The following AGPAT3 variants were observed in gnomAD, a reference collection of about 807,000 sequenced individuals.
AGPAT3 encodes 1-acylglycerol-3-phosphate O-acyltransferase 3, also known as 1-acyl-sn-glycerol-3-phosphate acyltransferase gamma.
A neutral mutation model predicts 47.3 loss-of-function variants in AGPAT3; 5 were observed. The ratio of observed to expected loss-of-function variants is 0.11; its 90% CI spans 0.06 to 0.22. The LOEUF (loss-of-function observed/expected upper bound fraction) is 0.22, where lower values mean the gene tolerates loss of function less well. AGPAT3 is among the 10% of genes least tolerant of loss of function. AGPAT3 has a pLI of 1.00. For synonymous variants in AGPAT3, 212 were observed against 208.3 expected, an observed-to-expected ratio of 1.02 and a Z score of -0.15; for missense variants, 315 against 493.0, an observed-to-expected ratio of 0.64 and a Z score of 3.42.
chr21:43,959,526 T>G, intron 2 of AGPAT3, 108 bp from the exon 3 acceptor site: 7 of 949,674 alleles, frequency 7.4e-6, no homozygotes, highest in Non-Finnish European at 1.1e-5. Flanking sequence ...GCAGCATGTG[T>G]GTATAAGCGT....
At chr21:43,879,214 G>A (rs991883691) in intron 1 of AGPAT3, among the ~76,000 whole-genome samples, 3 of 152,018 alleles carry the variant, frequency 2.0e-5, no homozygotes, top group Non-Finnish European at 2.9e-5. Context: ...GCTGGGTGTG[G>A]CAGTGCGTGC....
chr21:43,918,292 T>C (rs2086803297), intron 2 of AGPAT3, among the ~76,000 whole-genome samples: 1 of 144,710 alleles, frequency 6.9e-6, no homozygotes, highest in Admixed American at 7.1e-5. Flanking sequence ...ATAACAGCAC[T>C]TTGGGTGTGG....
At chr21:43,947,608 G>C (rs1378289776) in intron 2 of AGPAT3, among the ~76,000 whole-genome samples, 2 of 152,172 alleles carry the variant, frequency 1.3e-5, no homozygotes. Context: ...TTTCAGGAGT[G>C]ACGTTGTTCT....
Position 43,985,415 on chromosome 21 carries a change from A to G in AGPAT3, c.*3023A>G, listed in dbSNP as rs1298234985. ...TCTTGTGTAAAAAAAAAAAAAAAGC[A>G]CGTCCTGTCGATGAATTTTGAGTCT... On this transcript the variant is annotated 3_prime_UTR_variant, in exon 10 of 10. Transcript: ENST00000291572. The G allele has an allele frequency of 3.1e-6, 1 of 322,464 alleles. No individual in the cohort carries two copies. Among genetic ancestry groups the G allele is most frequent in the Non-Finnish European group, 6.0e-6 (1 of 165,414 alleles). The allele number at this position is 322,464 out of a possible 1,614,324, so 20.0% of individuals were successfully genotyped here.
intron 1 of AGPAT3, among the ~76,000 whole-genome samples, chr21:43,896,943 G>GTTTTTTTTTTTTTT (rs61657564): frequency 2.0e-3 from 85 of 42,348 alleles, no homozygotes; most frequent in Non-Finnish European, 2.4e-3. Flanking sequence ...TTGACAGTCC[G>GTTTTTTTTTTTTTT]TTTTTTTTTT....
chr21:43,893,538 G>T (rs1165416464), intron 1 of AGPAT3, among the ~76,000 whole-genome samples: 1 of 152,226 alleles, frequency 6.6e-6, no homozygotes, highest in Non-Finnish European at 1.5e-5. Flanking sequence ...GGCCCAAGAG[G>T]CCCAGCTTTC....
intron 2 of AGPAT3, among the ~76,000 whole-genome samples, chr21:43,959,156 CGTGTGTGGTGTGTGTGGTTTGCAGT>C (rs1180758934): frequency 5.4e-5 from 4 of 74,306 alleles, no homozygotes; most frequent in Admixed American, 4.3e-4. Flanking sequence ...ATGTGTGTGG[CGTGTGTGGTGTGTGTGGTTTGCAGT>C]GTGTGTGGCG....
Position 43,969,267 on chromosome 21 carries a change from C to G in AGPAT3, c.498C>G (p.Pro166=). The change falls in exon 5 of 10, where the codon CCC becomes CCG. Residue 166 remains proline (P), a synonymous_variant. Transcript: ENST00000291572. ...GGCTGAGGCGCCTGTCGGACTACCC[C>G]GAGTACATGTGGGTGAGTGCGCGGA... ...VEGLRRLSDY[P]EYMWFLLYCE... 6.2e-7 allele frequency: 1 copy of G among 1,614,196 alleles called. No homozygotes were observed. Among genetic ancestry groups the G allele is most frequent in the Non-Finnish European group, 8.5e-7 (1 of 1,180,024 alleles).
intron 2 of AGPAT3, among the ~76,000 whole-genome samples, chr21:43,906,441 G>GTT (rs2086496923): frequency 6.6e-6 from 1 of 152,056 alleles, no homozygotes; most frequent in Admixed American, 6.6e-5. Flanking sequence ...CATCTGAAAA[G>GTT]GCATGCAACT....
Position 43,959,792 on chromosome 21 carries a change from G to T in AGPAT3, c.111G>T (p.Ala37=). The change falls in exon 3 of 10, where the codon GCG becomes GCT. Residue 37 remains alanine (A), a synonymous_variant. Transcript: ENST00000291572. The part of the protein sequence containing the change: ...VINFVQLCTL[A]LWPVSKQLYR... ...ACTTCGTCCAGCTGTGCACGCTGGC[G>T]CTCTGGCCGGTCAGCAAGCAGCTCT... The T allele has an allele frequency of 1.9e-6, 3 of 1,613,304 alleles. No individual in the cohort carries two copies. Among genetic ancestry groups the T allele is most frequent in the Non-Finnish European group, 2.5e-6 (3 of 1,179,932 alleles).
intron 1 of AGPAT3, among the ~76,000 whole-genome samples, chr21:43,878,524 G>A (rs1195095565): frequency 6.6e-5 from 10 of 152,158 alleles, no homozygotes; most frequent in African/African-American, 2.2e-4. Context: ...TAAATATGAT[G>A]GGCATCCTTG....
rs923397994 is a variant in AGPAT3, at chr21:43,907,715, TCAA to T, written c.-49+3712_-49+3714del. ...CTGGGCGACAGAGCGAGACTCCGTC[TCAA>T]CAACAACAACAACAAAAAAACCGTT... is the stretch of plus-strand genomic sequence containing the variant. On this transcript the variant is annotated intron_variant, in intron 2 of 9. Coordinates refer to ENST00000291572, the MANE Select transcript of AGPAT3 (RefSeq NM_020132.5). Among the ~76,000 whole-genome samples, 20 of 152,216 alleles carry T rather than the reference TCAA, an allele frequency of 1.3e-4. 1 individual carries two copies. Among genetic ancestry groups the T allele is most frequent in the African/African-American group, 3.9e-4 (16 of 41,532 alleles).
chr21:43,972,142 G>A (rs1216904351), intron 7 of AGPAT3, among the ~76,000 whole-genome samples: 1 of 135,734 alleles, frequency 7.4e-6, no homozygotes, highest in Non-Finnish European at 1.6e-5. Context: ...GGAAGAGCCT[G>A]TTTGATTTTT....
rs1042346360 is a variant in AGPAT3 at position 43,934,294 on chromosome 21, C to T, written c.-48-25340C>T. 9.2e-5 allele frequency among the ~76,000 whole-genome samples: 14 copies of T among 152,250 alleles called. No individual in the cohort carries two copies. Among genetic ancestry groups the T allele is most frequent in the African/African-American group, 3.4e-4 (14 of 41,472 alleles). ...CCTCTCACCGCGGTGTGCCTGTCCC[C>T]ACCTCCCAAGGGCGGAAGGAGGGGC... On this transcript the variant is annotated intron_variant, in intron 2 of 9. Coordinates refer to ENST00000291572, the MANE Select transcript of AGPAT3 (RefSeq NM_020132.5). This position sits in a 1 kb window ranked among gnomAD's most constrained non-coding sequence, Gnocchi z 4.7.
chr21:43,955,071 G>A lies in AGPAT3; in HGVS notation c.-48-4563G>A. 4.0e-6 allele frequency: 5 copies of A among 1,244,392 alleles called. No homozygotes were observed. Among genetic ancestry groups the A allele is most frequent in the African/African-American group, 1.5e-5 (1 of 64,600 alleles). 77.1% of individuals were successfully genotyped at this position (1,244,392 alleles called of 1,614,324 possible). A position where few individuals can be genotyped will look rare whatever the true frequency, so the allele number is the denominator to read the frequency against. Reference sequence around the variant, plus strand: ...TATCTGTGGCCCCCAAAGGCTGGGTGCCAGCTGCCTGTCGGCAGGGAGCGT... The same window carrying A: ...TATCTGTGGCCCCCAAAGGCTGGGTACCAGCTGCCTGTCGGCAGGGAGCGT... On this transcript the variant is annotated intron_variant, in intron 2 of 9. Transcript: ENST00000291572. This position sits in a 1 kb window ranked among gnomAD's most constrained non-coding sequence, Gnocchi z 4.1.
At chr21:43,897,404 A>C (rs922990385) in intron 1 of AGPAT3, among the ~76,000 whole-genome samples, 6 of 149,736 alleles carry the variant, frequency 4.0e-5, no homozygotes, top group African/African-American at 1.5e-4. Context: ...TTTTCCCCAC[A>C]TTTCCCCCTT....
chr21:43,928,737 C>T (rs955321613), intron 2 of AGPAT3, among the ~76,000 whole-genome samples: 25 of 152,212 alleles, frequency 1.6e-4, no homozygotes, highest in African/African-American at 5.8e-4. Flanking sequence ...AGCTGGGGCA[C>T]TCGCTACTGG....
chr21:43,954,353 T>A lies in AGPAT3; in HGVS notation c.-48-5281T>A, dbSNP rs1331193128. ...ACAGGGTACCTGCGAGGTCTGTGAG[T>A]GAAACTACACTGCTGGCTGGACAGA... On this transcript the variant is annotated intron_variant, in intron 2 of 9. Coordinates refer to ENST00000291572, the MANE Select transcript of AGPAT3 (RefSeq NM_020132.5). The surrounding 1 kb of genome is among the most constrained non-coding windows in gnomAD (Gnocchi z 4.0). Among the ~76,000 whole-genome samples, 1 of 151,632 alleles carries A rather than the reference T, an allele frequency of 6.6e-6. No homozygotes were observed. The highest frequency in any genetic ancestry group is 1.5e-5 in the Non-Finnish European group (1 of 67,938).
intron 2 of AGPAT3, among the ~76,000 whole-genome samples, chr21:43,945,367 G>A (rs2277804): frequency 6.6e-6 from 1 of 152,066 alleles, no homozygotes; most frequent in Admixed American, 6.5e-5. Context: ...TGTGCACATT[G>A]GGGAGCATTT....
Sources: gnomAD v4.1 joint callset for allele counts (sites outside exome capture counted in the v4.1 genomes callset) on GRCh38, gnomAD v4.1.1 for gene constraint, Gnocchi (gnomAD v3.1) non-coding constraint, MANE v1.5 for transcripts, NCBI Gene and HGNC (gene_info 2026-07-23, HGNC 2026-07-21) for gene names.